SAXO1: variants seen among roughly 807,000 people sequenced by gnomAD.
SAXO1 encodes the protein 4930500O09Rik.
Under a neutral mutation model 17.5 loss-of-function variants are expected in SAXO1, and 21 were observed. The observed-to-expected ratio is 1.20, with a 90% CI of 0.85 to 1.72. The LOEUF (loss-of-function observed/expected upper bound fraction) is 1.72. Among genes scored for constraint, SAXO1 ranks in the 40% most tolerant of loss-of-function variants. The pLI is 0.00. For missense variants in SAXO1, 843 were observed against 596.0 expected, an observed-to-expected ratio of 1.41 and a Z score of -4.32; for synonymous variants, 274 against 216.5, an observed-to-expected ratio of 1.27 and a Z score of -2.33.
chr9:18,956,142 A>C (rs1588436736), intron 1 of SAXO1, among the ~76,000 whole-genome samples: 1 of 127,422 alleles, frequency 7.8e-6, no homozygotes, highest in African/African-American at 3.0e-5. Flanking sequence ...GTAGAAATGG[A>C]GTTTTGCCAT....
rs545073125 is a variant in SAXO1, at chr9:18,967,605, C to G, written c.39-16668G>C. Among the ~76,000 whole-genome samples the G allele has an allele frequency of 3.3e-5, 5 of 152,288 alleles. No individual in the cohort carries two copies. In the South Asian group the frequency reaches 6.2e-4, roughly 19 times the overall value. ...TGGATGCCCCTCCCCCAACCAAGCT[C>G]GAGTGTCCCAGGTCAACTTCAGACT... is the stretch of plus-strand genomic sequence containing the variant. On this transcript the variant is annotated intron_variant, in intron 1 of 3. Coordinates refer to ENST00000380534, the MANE Select transcript of SAXO1 (RefSeq NM_153707.4).
intron 1 of SAXO1, among the ~76,000 whole-genome samples, chr9:19,043,246 A>G (rs968147829): frequency 1.3e-5 from 2 of 152,220 alleles, no homozygotes; most frequent in African/African-American, 4.8e-5. Flanking sequence ...CATTTGCAAC[A>G]ACATGGATGG....
At position 18,970,320 on chromosome 9, in the gene SAXO1, C is replaced by T. The variant is rs993016114; in HGVS notation, c.39-19383G>A. 2.0e-5 allele frequency among the ~76,000 whole-genome samples: 3 copies of T among 152,308 alleles called. No individual in the cohort carries two copies. The East Asian group carries it at 5.8e-4, about 29-fold the overall frequency. ...GTATTAATCTGCTTCATAATTTCTC[C>T]CTCCACAAGTCCCTTTCCTCATCCT... On this transcript the variant is annotated intron_variant, in intron 1 of 3. Coordinates refer to ENST00000380534, the MANE Select transcript of SAXO1 (RefSeq NM_153707.4).
At chr9:18,933,913 G>A (rs1276106732) in intron 3 of SAXO1, among the ~76,000 whole-genome samples, 5 of 152,116 alleles carry the variant, frequency 3.3e-5, no homozygotes, top group African/African-American at 1.2e-4. Context: ...AGGCGTAGTG[G>A]CGGGCGCCTG....
chr9:18,933,632 A>C (rs1030552207), intron 3 of SAXO1, among the ~76,000 whole-genome samples: 10 of 152,194 alleles, frequency 6.6e-5, no homozygotes, highest in Admixed American at 3.3e-4. Context: ...TTCATTATTG[A>C]ATCATAATAT....
chr9:19,004,089 T>C (rs1230848719), intron 1 of SAXO1, among the ~76,000 whole-genome samples: 1 of 151,988 alleles, frequency 6.6e-6, no homozygotes, highest in Non-Finnish European at 1.5e-5. Context: ...GAACAGACAC[T>C]CCTCAAAAGA....
In SAXO1 at chr9:18,982,606, C is replaced by T. The variant is rs574809303; in HGVS notation, c.39-31669G>A. Among the ~76,000 whole-genome samples the T allele has an allele frequency of 5.9e-5, 9 of 152,252 alleles. No homozygotes were observed. In the East Asian group the frequency reaches 9.7e-4, roughly 16 times the overall value. On this transcript the variant is annotated intron_variant, in intron 1 of 3. Coordinates refer to ENST00000380534, the MANE Select transcript of SAXO1 (RefSeq NM_153707.4). ...TTCCTTCTGGTGACTTTGTATATAA[C>T]GTCAGTTGGGAGGGAGAGCAATAAG...
chr9:18,980,855 C>A (rs10811074), intron 1 of SAXO1, among the ~76,000 whole-genome samples: 87,186 of 148,960 alleles, frequency 0.59, 27,958 homozygotes, highest in Non-Finnish European at 0.72. Flanking sequence ...GAACCCTCAC[C>A]GCTCATCCAT....
rs112030642 is a variant in SAXO1 at position 18,941,746 on chromosome 9, C to T, written c.312G>A (p.Thr104=). 3.7e-5 allele frequency: 60 copies of T among 1,614,146 alleles called. No homozygotes were observed. The highest frequency in any genetic ancestry group is 1.6e-4 in the East Asian group (7 of 44,884). Residue 104 remains threonine, a synonymous_variant, in exon 3 of 4, where the codon ACG becomes ACA. Transcript: ENST00000380534. ...GGTAGGGATTGTAATCTTTCTTATA[C>T]GTCGTGAGCAAATCCATATTCTCTT... ...PSEENMDLLT[T]YKKDYNPYPV...
At chr9:18,945,800 G>A (rs1017052802) in intron 2 of SAXO1, among the ~76,000 whole-genome samples, 4 of 152,166 alleles carry the variant, frequency 2.6e-5, no homozygotes, top group Admixed American at 1.3e-4. Context: ...CTCTAAAAAG[G>A]TAGATTCTGG....
At chr9:18,983,950 C>T (rs1276624240) in intron 1 of SAXO1, among the ~76,000 whole-genome samples, 1 of 152,106 alleles carries the variant, frequency 6.6e-6, no homozygotes, top group Non-Finnish European at 1.5e-5. Context: ...AAATATATTT[C>T]TTAAAAATAA....
At chr9:18,947,475 T>C (rs79997433) in intron 2 of SAXO1, among the ~76,000 whole-genome samples, 2,665 of 152,300 alleles carry the variant, frequency 0.017, 85 homozygotes, top group African/African-American at 0.061. Context: ...CCTCACTCTG[T>C]GCCTCCATTC....
At chr9:19,000,864 G>C (rs1442029554) in intron 1 of SAXO1, among the ~76,000 whole-genome samples, 1 of 152,084 alleles carries the variant, frequency 6.6e-6, no homozygotes. Flanking sequence ...ATGCTAAAGG[G>C]ATCAATTCAA....
chr9:18,972,052 G>A (rs7023291), intron 1 of SAXO1, among the ~76,000 whole-genome samples: 21,881 of 152,122 alleles, frequency 0.14, 2,952 homozygotes, highest in African/African-American at 0.36. Flanking sequence ...TTTCATGAAA[G>A]TCAGAACTTG....
chr9:18,976,239 T>G (rs558271796), intron 1 of SAXO1, among the ~76,000 whole-genome samples: 1 of 152,266 alleles, frequency 6.6e-6, no homozygotes, highest in East Asian at 1.9e-4. Context: ...TGCATGGGAC[T>G]GGGGTTCATC....
chr9:18,941,340 T>G (rs1430349188), intron 3 of SAXO1, among the ~76,000 whole-genome samples: 1 of 152,200 alleles, frequency 6.6e-6, no homozygotes, highest in Non-Finnish European at 1.5e-5. Flanking sequence ...CGATACTGCG[T>G]AAATGAATGA....
At chr9:19,032,043 T>C (rs998535442) in intron 1 of SAXO1, among the ~76,000 whole-genome samples, 1 of 152,214 alleles carries the variant, frequency 6.6e-6, no homozygotes, top group Non-Finnish European at 1.5e-5. Context: ...ATGAGGTACG[T>C]ATTGTTGGTA....
intron 1 of SAXO1, among the ~76,000 whole-genome samples, chr9:19,015,560 T>C (rs1834939777): frequency 6.6e-6 from 1 of 151,906 alleles, no homozygotes; most frequent in Admixed American, 6.6e-5. Flanking sequence ...GCCAAGCTGG[T>C]CTCAAACTCC....
At chr9:18,945,825 T>C (rs991151933) in intron 2 of SAXO1, among the ~76,000 whole-genome samples, 5 of 152,154 alleles carry the variant, frequency 3.3e-5, no homozygotes, top group African/African-American at 1.2e-4. Context: ...AGCCAACAGG[T>C]GGAAGCAGAA....
Sources: gnomAD v4.1 joint callset for allele counts (sites outside exome capture counted in the v4.1 genomes callset) on GRCh38, gnomAD v4.1.1 for gene constraint, MANE v1.5 for transcripts, NCBI Gene and HGNC (gene_info 2026-07-23, HGNC 2026-07-21) for gene names.